Variants in EPHA6 observed in about 807,000 individuals in gnomAD.
The protein encoded by EPHA6 is ephrin type-A receptor 6.
EPHA6 carries 50 observed loss-of-function variants against 112.0 expected under a neutral mutation model. That is an observed-to-expected ratio of 0.45 (90% CI 0.36 to 0.56). The LOEUF (loss-of-function observed/expected upper bound fraction) is 0.56. Among genes scored for constraint, EPHA6 ranks in the 20% least tolerant of loss-of-function variants. The pLI, the probability that EPHA6 is intolerant of heterozygous loss-of-function variation, is 0.00. For missense variants in EPHA6, 1,280 were observed against 1,417.4 expected (o/e 0.90, Z 1.56); for synonymous variants, 529 against 490.7 (o/e 1.08, Z -1.03).
rs1232169813 is a variant in EPHA6 at position 97,749,871 on chromosome 3, A to C, written c.*1170A>C. Among the ~76,000 whole-genome samples, 1 of 152,198 alleles carries C rather than the reference A, an allele frequency of 6.6e-6. No individual in the cohort carries two copies. The highest frequency in any genetic ancestry group is 1.5e-5 in the Non-Finnish European group (1 of 68,030). On this transcript the variant is annotated 3_prime_UTR_variant, in exon 18 of 18. Coordinates refer to ENST00000389672, the MANE Select transcript of EPHA6 (RefSeq NM_001080448.3). ...GAGCTCTTTTCGAAACCTTCTAAGA[A>C]ATAAGTATGAATACTCCAAAGAGCA...
At chr3:97,463,037 A>AATAGAG (rs2090939616) in intron 7 of EPHA6, among the ~76,000 whole-genome samples, 2 of 152,126 alleles carry the variant, frequency 1.3e-5, no homozygotes, top group Non-Finnish European at 2.9e-5. Context: ...AATGTCACTC[A>AATAGAG]ATAGAGATGA....
At chr3:97,324,757 C>T (rs1326048985) in intron 5 of EPHA6, among the ~76,000 whole-genome samples, 3 of 151,928 alleles carry the variant, frequency 2.0e-5, no homozygotes, top group Admixed American at 6.6e-5. Context: ...TCAGGCTGGT[C>T]TCAAACTCCT....
At chr3:96,980,108 A>T (rs1051302877) in intron 2 of EPHA6, among the ~76,000 whole-genome samples, 1 of 152,168 alleles carries the variant, frequency 6.6e-6, no homozygotes, top group African/African-American at 2.4e-5. Context: ...TTGGTGTTTT[A>T]GACATGAAGT....
At chr3:97,262,409 C>G (rs1013128001) in intron 5 of EPHA6, among the ~76,000 whole-genome samples, 1 of 152,070 alleles carries the variant, frequency 6.6e-6, no homozygotes, top group African/African-American at 2.4e-5. Context: ...ACACATTTTA[C>G]AAATGTTAAG....
chr3:97,531,502 C>T (rs1227917316), intron 10 of EPHA6, among the ~76,000 whole-genome samples: 2 of 152,002 alleles, frequency 1.3e-5, no homozygotes, highest in Non-Finnish European at 2.9e-5. Flanking sequence ...CTGCTCATCT[C>T]TCAAGGTCTA....
chr3:97,118,263 G>T (rs1576519274), intron 3 of EPHA6, among the ~76,000 whole-genome samples: 1 of 151,502 alleles, frequency 6.6e-6, no homozygotes, highest in East Asian at 1.9e-4. Context: ...ATGTTACCAG[G>T]ACACGTGATT....
chr3:97,268,807 T>C (rs1282140926), intron 5 of EPHA6, among the ~76,000 whole-genome samples: 1 of 152,182 alleles, frequency 6.6e-6, no homozygotes, highest in Admixed American at 6.6e-5. Context: ...CACAGAAATA[T>C]TAATGTAAGG....
At chr3:97,059,191 A>G (rs2045943687) in intron 3 of EPHA6, among the ~76,000 whole-genome samples, 2 of 152,362 alleles carry the variant, frequency 1.3e-5, no homozygotes, top group East Asian at 1.9e-4. Flanking sequence ...GCCTCTTAGT[A>G]TCTGATTTTC....
chr3:96,866,505 A>G (rs955609330), intron 1 of EPHA6, among the ~76,000 whole-genome samples: 5 of 151,936 alleles, frequency 3.3e-5, no homozygotes, highest in Non-Finnish European at 7.4e-5. Flanking sequence ...AGTGGGGGAA[A>G]AGCAAAGGTA....
intron 3 of EPHA6, among the ~76,000 whole-genome samples, chr3:97,124,355 T>G (rs903496628): frequency 2.0e-5 from 3 of 151,816 alleles, no homozygotes; most frequent in African/African-American, 7.3e-5. Flanking sequence ...AAAAGATATT[T>G]GAGTATTTTA....
At chr3:96,883,483 CT>C (rs1216021224) in intron 2 of EPHA6, among the ~76,000 whole-genome samples, 5 of 152,092 alleles carry the variant, frequency 3.3e-5, no homozygotes, top group African/African-American at 9.7e-5. Flanking sequence ...TCATGAAATC[CT>C]TGCTTAAGCC....
At chr3:97,207,401 A>C (rs1250537945) in intron 3 of EPHA6, among the ~76,000 whole-genome samples, 1 of 152,186 alleles carries the variant, frequency 6.6e-6, no homozygotes. Flanking sequence ...ATGGTCAAGG[A>C]ATCAAACCAC....
chr3:97,405,470 T>C (rs1472383825), intron 6 of EPHA6, among the ~76,000 whole-genome samples, 196 bp downstream of exon 6: 1 of 152,154 alleles, frequency 6.6e-6, no homozygotes, highest in African/African-American at 2.4e-5. Flanking sequence ...TCTTGTTTTG[T>C]GTCAGATTAA....
chr3:97,645,745 G>A (rs145721834), intron 14 of EPHA6, among the ~76,000 whole-genome samples: 100 of 151,826 alleles, frequency 6.6e-4, no homozygotes, highest in African/African-American at 2.4e-3. Flanking sequence ...CCCTTGATAC[G>A]TATATATTTT....
At chr3:97,681,005 T>C (rs1165503795) in intron 14 of EPHA6, among the ~76,000 whole-genome samples, 1 of 151,438 alleles carries the variant, frequency 6.6e-6, no homozygotes, top group Non-Finnish European at 1.5e-5. Flanking sequence ...GGCAAATAAG[T>C]AAAGACAAAA....
Position 97,618,359 on chromosome 3 carries a change from C to CTA in EPHA6, c.2574+7506_2574+7507dup, listed in dbSNP as rs377580540. Among the ~76,000 whole-genome samples the CTA allele has an allele frequency of 5.9e-3, 893 of 152,056 alleles. 10 individuals carry two copies. The highest frequency in any genetic ancestry group is 0.02 in the African/African-American group (839 of 41,500). ...TCAAGTCATCAACCTAACATCAAAACTAAAAGAATGACAGAACCAGGAGCA... is the reference window on the plus strand; with the variant it reads ...TCAAGTCATCAACCTAACATCAAAACTATAAAAGAATGACAGAACCAGGAGCA... On this transcript the variant is annotated intron_variant, in intron 13 of 17. Coordinates refer to ENST00000389672, the MANE Select transcript of EPHA6 (RefSeq NM_001080448.3).
intron 2 of EPHA6, among the ~76,000 whole-genome samples, chr3:96,878,312 G>T (rs191517183): frequency 5.3e-4 from 81 of 151,522 alleles, no homozygotes; most frequent in African/African-American, 1.9e-3. Flanking sequence ...CTGGAAAATA[G>T]AGAGAGAGAG....
At chr3:97,511,383 TG>T (rs1290978041) in intron 10 of EPHA6, among the ~76,000 whole-genome samples, 1 of 152,160 alleles carries the variant, frequency 6.6e-6, no homozygotes, top group Non-Finnish European at 1.5e-5. Context: ...TGGGATGCAA[TG>T]CACTGTTCCT....
intron 5 of EPHA6, among the ~76,000 whole-genome samples, chr3:97,403,818 T>C (rs889264020): frequency 6.6e-5 from 10 of 152,236 alleles, no homozygotes; most frequent in African/African-American, 1.9e-4. Context: ...AATATATTCA[T>C]AGATGTCCAG....
Sources: allele counts gnomAD v4.1 joint callset (sites outside exome capture counted in the v4.1 genomes callset), GRCh38; gene constraint gnomAD v4.1.1; transcripts MANE v1.5; gene names NCBI Gene and HGNC (gene_info 2026-07-23, HGNC 2026-07-21).